The following TNRC18 variants were observed in gnomAD, a reference collection of about 807,000 sequenced individuals.
TNRC18 encodes the protein trinucleotide repeat containing 18, also known as trinucleotide repeat-containing gene 18 protein.
A neutral mutation model predicts 226.7 loss-of-function variants in TNRC18; 69 were observed. The ratio of observed to expected loss-of-function variants is 0.30; its 90% CI spans 0.25 to 0.37. The LOEUF (loss-of-function observed/expected upper bound fraction) is 0.37, where lower values mean the gene tolerates loss of function less well. Ranked by LOEUF, TNRC18 falls within the 10% of genes least tolerant of loss-of-function variation. The probability of loss-of-function intolerance (pLI) is 1.00; values close to 1 mark genes in which losing one functional copy is unlikely to be tolerated. For missense variants in TNRC18, 4,754 were observed against 4,256.6 expected, an observed-to-expected ratio of 1.12 and a Z score of -3.25; for synonymous variants, 2,449 against 1,927.6, an observed-to-expected ratio of 1.27 and a Z score of -7.09.
intron 5 of TNRC18, among the ~76,000 whole-genome samples, chr7:5,381,662 G>A (rs1779406669): frequency 6.6e-6 from 1 of 152,132 alleles, no homozygotes; most frequent in African/African-American, 2.4e-5. Flanking sequence ...AGGAAAGACT[G>A]AAAGAAAGAA....
At chr7:5,317,713 T>A (rs1787991690) in intron 24 of TNRC18, among the ~76,000 whole-genome samples, 3 of 13,206 alleles carry the variant, frequency 2.3e-4, no homozygotes, top group African/African-American at 7.9e-4. Context: ...CTCTTAAGGT[T>A]TTTTTTTTTT....
intron 16 of TNRC18, 36 bp from the exon 17 acceptor site, chr7:5,352,130 C>A: frequency 6.4e-7 from 1 of 1,552,104 alleles, no homozygotes. Context: ...AGATAAGTCA[C>A]AGGGCAGCAG....
rs1016570171 is a variant in TNRC18 at position 5,317,055 on chromosome 7, C to T, written c.6746-983G>A. Reference sequence around the variant, plus strand: ...GTGATAGCCCAGCCCTCTTCCCAAACGCCAGATGCTGGTACTATATCCCCA... The same window carrying T: ...GTGATAGCCCAGCCCTCTTCCCAAATGCCAGATGCTGGTACTATATCCCCA... On this transcript the variant is annotated intron_variant, in intron 24 of 29. Coordinates refer to ENST00000430969, the MANE Select transcript of TNRC18 (RefSeq NM_001080495.3). 5.3e-5 allele frequency among the ~76,000 whole-genome samples: 8 copies of T among 152,158 alleles called. No individual in the cohort carries two copies. The East Asian group carries it at 9.6e-4, about 18-fold the overall frequency.
At chr7:5,402,137 C>A (rs1781142073) in intron 2 of TNRC18, among the ~76,000 whole-genome samples, 1 of 146,396 alleles carries the variant, frequency 6.8e-6, no homozygotes, top group South Asian at 2.1e-4. Context: ...TGAGATCATG[C>A]CACTGTACTC....
chr7:5,414,216 G>C (rs562157440), intron 2 of TNRC18, among the ~76,000 whole-genome samples: 1 of 151,648 alleles, frequency 6.6e-6, no homozygotes, highest in African/African-American at 2.4e-5. Context: ...CAAAGTGCCG[G>C]GATTACAGGC....
Position 5,308,104 on chromosome 7 carries a change from G to T in TNRC18, c.*2C>A. ...ACAGGTGGCCCGCAGGGCCCGGCGG[G>T]CTCAGCAGAGCACGGGCACGCCGTC... On this transcript the variant is annotated 3_prime_UTR_variant, in exon 30 of 30. Transcript: ENST00000430969. 3 of 1,548,864 alleles carry T rather than the reference G, an allele frequency of 1.9e-6. No individual in the cohort carries two copies. The highest frequency in any genetic ancestry group is 2.6e-6 in the Non-Finnish European group (3 of 1,146,478).
At chr7:5,401,230 G>GT (rs979637178) in intron 2 of TNRC18, among the ~76,000 whole-genome samples, 1 of 147,376 alleles carries the variant, frequency 6.8e-6, no homozygotes, top group Non-Finnish European at 1.5e-5. Context: ...TTCGAGTCGG[G>GT]GGGGGGCGGG....
chr7:5,386,045 G>C (rs969700024), intron 5 of TNRC18, among the ~76,000 whole-genome samples: 2 of 149,820 alleles, frequency 1.3e-5, no homozygotes, highest in Non-Finnish European at 3.0e-5. Flanking sequence ...CCAGCACTTT[G>C]GGAGGCCGAG....
At chr7:5,389,461 G>GTTTTTTGGTTTTTTTTTTGTTTTTT (rs1554297484) in intron 4 of TNRC18, 125 bp from the exon 5 acceptor site, 1 of 519,650 alleles carries the variant, frequency 1.9e-6, no homozygotes, top group Non-Finnish European at 2.5e-6. Flanking sequence ...TTTGGTTTTG[G>GTTTTTTGGTTTTTTTTTTGTTTTTT]TTTTTTTTTT....
chr7:5,333,366 G>A (rs1411166423), intron 18 of TNRC18, among the ~76,000 whole-genome samples: 1 of 152,200 alleles, frequency 6.6e-6, no homozygotes, highest in Non-Finnish European at 1.5e-5. Context: ...AGGGCAGCTG[G>A]GCAGGACGGG....
chr7:5,415,189 C>A (rs1160620514), intron 2 of TNRC18, among the ~76,000 whole-genome samples: 2 of 151,810 alleles, frequency 1.3e-5, no homozygotes, highest in Non-Finnish European at 2.9e-5. Flanking sequence ...AGCTCAGATA[C>A]GCCAGGCTCT....
In TNRC18 at chr7:5,388,971, T is replaced by G; in HGVS notation, c.853A>C (p.Asn285His). 7.2e-7 allele frequency: 1 copy of G among 1,391,958 alleles called. No homozygotes were observed. Among genetic ancestry groups the G allele is most frequent in the East Asian group, 3.6e-5 (1 of 27,616 alleles). The allele number at this position is 1,391,958 out of a possible 1,614,324, so 86.2% of individuals were successfully genotyped here. The change falls in exon 5 of 30, where the codon AAC becomes CAC. Residue 285 changes from asparagine (N) to histidine (H), a missense_variant. Physicochemically the swap from Asn to His is moderately conservative, Grantham distance 68. Transcript: ENST00000430969. ...ALQPSVLTMC[N>H]GGAGDVGLPA... ...AGCCCCACGTCCCCGGCGCCGCCGT[T>G]GCACATGGTCAGTACCGACGGCTGC...
chr7:5,350,545 G>A (rs1791678325), intron 17 of TNRC18, among the ~76,000 whole-genome samples: 1 of 152,192 alleles, frequency 6.6e-6, no homozygotes, highest in Non-Finnish European at 1.5e-5. Flanking sequence ...ATCCAGGTGT[G>A]GCTACCCAGG....
intron 19 of TNRC18, among the ~76,000 whole-genome samples, chr7:5,330,380 T>C (rs1301638756): frequency 6.7e-6 from 1 of 149,962 alleles, no homozygotes; most frequent in African/African-American, 2.4e-5. Context: ...TAGGCACTGA[T>C]CACCACCACT....
Position 5,420,887 on chromosome 7 carries a change from C to CGCCGGGGCCGCCGGACTG in TNRC18, c.187+172_187+173insCAGTCCGGCGGCCCCGGC, listed in dbSNP as rs139552678. 65,337 of 838,066 alleles carry CGCCGGGGCCGCCGGACTG rather than the reference C, an allele frequency of 0.078. 7,680 individuals carry two copies. Among genetic ancestry groups the CGCCGGGGCCGCCGGACTG allele is most frequent in the African/African-American group, 0.45 (26,359 of 58,416 alleles). The allele number at this position is 838,066 out of a possible 1,614,324, so 51.9% of individuals were successfully genotyped here. ...AGCCGAGCCGCGCGACACTCTCCAC[C>CGCCGGGGCCGCCGGACTG]GCCTTGGCTCCGGGACCAGGAGTTT... On this transcript the variant is annotated intron_variant, in intron 2 of 29. Transcript: ENST00000430969.
chr7:5,389,326 G>T lies in TNRC18; in HGVS notation c.498C>A (p.Tyr166Ter). 1 of 1,280,592 alleles carries T rather than the reference G, an allele frequency of 7.8e-7. No individual in the cohort carries two copies. The allele number at this position is 1,280,592 out of a possible 1,614,324, so 79.3% of individuals were successfully genotyped here. A position where few individuals can be genotyped will look rare whatever the true frequency, so the allele number is the denominator to read the frequency against. ...KGQGPGGDGF[Y>*]LPTAGAPGSL... The stretch of plus-strand genomic sequence containing the variant: ...AGCCCGGAGCCCCCGCGGTGGGCAG[G>T]TAGAAACCGTCTGCGGAGAAGGGAA... Residue 166 changes from tyrosine to a stop codon, truncating the protein, a stop_gained, in exon 5 of 30, where the codon TAC (tyrosine) becomes TAA (stop). Coordinates refer to ENST00000430969, the MANE Select transcript of TNRC18 (RefSeq NM_001080495.3). LOFTEE classifies it high-confidence loss of function.
chr7:5,411,233 A>G (rs1001511814), intron 2 of TNRC18, among the ~76,000 whole-genome samples: 3 of 148,272 alleles, frequency 2.0e-5, no homozygotes, highest in Admixed American at 1.4e-4. Context: ...AAAAAAAAAA[A>G]GAAAAAAGAA....
intron 16 of TNRC18, among the ~76,000 whole-genome samples, chr7:5,353,567 A>AG (rs1792055903): frequency 6.7e-6 from 1 of 149,852 alleles, no homozygotes; most frequent in African/African-American, 2.5e-5. Context: ...CTAAAGAAAA[A>AG]AAAAAAAAAA....
chr7:5,406,543 C>G (rs890113591), intron 2 of TNRC18, among the ~76,000 whole-genome samples: 1 of 151,000 alleles, frequency 6.6e-6, no homozygotes, highest in Admixed American at 6.6e-5. Flanking sequence ...TACTCACATT[C>G]ACAGAGACAG....
Sources: gnomAD v4.1 joint callset for allele counts (sites outside exome capture counted in the v4.1 genomes callset) on GRCh38, gnomAD v4.1.1 for gene constraint, MANE v1.5 for transcripts, NCBI Gene and HGNC (gene_info 2026-07-23, HGNC 2026-07-21) for gene names.